The following NCAPG2 variants were observed in gnomAD, a reference collection of about 807,000 sequenced individuals.
The protein encoded by NCAPG2 is non-SMC condensin II complex subunit G2, also known as condensin-2 complex subunit G2.
In NCAPG2, 53 loss-of-function variants were observed where a neutral mutation model predicts 141.1. The ratio of observed to expected loss-of-function variants is 0.38; its 90% CI spans 0.30 to 0.47. NCAPG2 has a LOEUF of 0.47. Ranked by LOEUF, NCAPG2 falls within the 20% of genes least tolerant of loss-of-function variation. The pLI is 0.99. For synonymous variants in NCAPG2, 499 were observed against 490.7 expected (o/e 1.02, Z -0.22); for missense variants, 1,087 against 1,389.0 (o/e 0.78, Z 3.46).
intron 12 of NCAPG2, 27 bp downstream of exon 12, chr7:158,675,448 CAT>C (rs1833992634): frequency 3.3e-6 from 5 of 1,519,786 alleles, no homozygotes; most frequent in Non-Finnish European, 4.4e-6. Context: ...AACAAATAAA[CAT>C]TACTTACATA....
chr7:158,655,278 T>G lies in NCAPG2; in HGVS notation c.2506-20A>C, dbSNP rs202083054. ...GCAGAACTGTCCAAAAACAAGAAGA[T>G]AAATCAGTAACAAAAAGAGCACTGT... On this transcript the variant is annotated intron_variant, in intron 20 of 27. Coordinates refer to ENST00000356309, the MANE Select transcript of NCAPG2 (RefSeq NM_017760.7). The G allele has an allele frequency of 1.9e-6, 3 of 1,613,704 alleles. No homozygotes were observed. The East Asian group carries it at 6.7e-5, about 36-fold the overall frequency.
intron 2 of NCAPG2, among the ~76,000 whole-genome samples, chr7:158,700,476 GCAA>G (rs1835712237): frequency 6.6e-6 from 1 of 152,126 alleles, no homozygotes; most frequent in Admixed American, 6.5e-5. Flanking sequence ...TATGCACTTT[GCAA>G]CAACAATCTT....
At position 158,690,647 on chromosome 7, in the gene NCAPG2, T is replaced by C; in HGVS notation, c.458A>G (p.Glu153Gly). The C allele has an allele frequency of 6.2e-7, 1 of 1,614,172 alleles. No homozygotes were observed. The highest frequency in any genetic ancestry group is 8.5e-7 in the Non-Finnish European group (1 of 1,180,006). The change falls in exon 5 of 28, where the codon GAG becomes GGG. Residue 153 changes from glutamate to glycine, a missense_variant. Transcript: ENST00000356309. Reference protein sequence around the residue: ...SIQDLCVTWWEKGLPAKEDTG... With the variant: ...SIQDLCVTWWGKGLPAKEDTG... The stretch of plus-strand genomic sequence containing the variant: ...GTCTTCCTTGGCAGGCAGGCCTTTC[T>C]CCCACCAGGTAACACACAAATCCTG...
At chr7:158,678,905 C>A (rs1039197986) in intron 11 of NCAPG2, among the ~76,000 whole-genome samples, 5 of 152,058 alleles carry the variant, frequency 3.3e-5, no homozygotes, top group Admixed American at 1.3e-4. Context: ...GGCTGGGGTG[C>A]AGTTGTGTGA....
chr7:158,659,565 A>G (rs1161040723), intron 16 of NCAPG2, among the ~76,000 whole-genome samples: 1 of 152,086 alleles, frequency 6.6e-6, no homozygotes, highest in African/African-American at 2.4e-5. Context: ...TGCTTAGTAA[A>G]TTGCAGCTAA....
intron 17 of NCAPG2, among the ~76,000 whole-genome samples, chr7:158,657,806 T>C (rs1366218600): frequency 6.6e-6 from 1 of 152,190 alleles, no homozygotes; most frequent in Non-Finnish European, 1.5e-5. Flanking sequence ...TGTCCTGTAC[T>C]AAGAAAAATT....
intron 12 of NCAPG2, among the ~76,000 whole-genome samples, chr7:158,674,954 G>A (rs968126502): frequency 5.9e-5 from 9 of 152,144 alleles, no homozygotes; most frequent in African/African-American, 1.4e-4. Flanking sequence ...ACACCTGGCC[G>A]TTTCACATTT....
At chr7:158,692,393 C>T (rs999172350) in intron 4 of NCAPG2, among the ~76,000 whole-genome samples, 2 of 152,216 alleles carry the variant, frequency 1.3e-5, no homozygotes, top group African/African-American at 4.8e-5. Context: ...AGAAAAAGAA[C>T]TTGACTGCAA....
intron 19 of NCAPG2, 97 bp from the exon 20 acceptor site, chr7:158,655,552 A>T: frequency 7.8e-6 from 8 of 1,028,832 alleles, no homozygotes; most frequent in Non-Finnish European, 1.2e-5. Context: ...TCCTCAGGCG[A>T]GCTGAAAAGA....
rs779692746 is a variant in NCAPG2, at chr7:158,683,308, C to T, written c.916G>A (p.Val306Met). The T allele has an allele frequency of 6.3e-7, 1 of 1,590,518 alleles. No homozygotes were observed. The highest frequency in any genetic ancestry group is 1.4e-5 in the African/African-American group (1 of 73,176). The change falls in exon 9 of 28, where the codon GTG (valine) becomes ATG (methionine). Residue 306 changes from valine to methionine, a missense_variant. Val to Met is a conservative substitution (Grantham distance 21, BLOSUM62 1). Coordinates refer to ENST00000356309, the MANE Select transcript of NCAPG2 (RefSeq NM_017760.7). ...LPRRSPVHSKVREVLSYFHHQ... is the reference protein window; with the variant it reads ...LPRRSPVHSKMREVLSYFHHQ... Reference sequence around the variant, plus strand: ...TCTGTTCACAATCTTACCTCCCGCACTTTGGAATGCACTGGAGACCTCCTC... The same window carrying T: ...TCTGTTCACAATCTTACCTCCCGCATTTTGGAATGCACTGGAGACCTCCTC...
chr7:158,653,221 C>A (rs965823710), intron 22 of NCAPG2, among the ~76,000 whole-genome samples: 6 of 151,724 alleles, frequency 4.0e-5, no homozygotes, highest in South Asian at 4.2e-4. Flanking sequence ...ATTAGCCAGG[C>A]ATGGTGGTGG....
At chr7:158,647,686 A>G (rs1326971385) in intron 24 of NCAPG2, among the ~76,000 whole-genome samples, 2 of 151,848 alleles carry the variant, frequency 1.3e-5, no homozygotes, top group East Asian at 3.9e-4. Context: ...AGGCATGACT[A>G]AACAACACTG....
chr7:158,693,264 A>G, intron 3 of NCAPG2, 45 bp downstream of exon 3: 1 of 1,565,664 alleles, frequency 6.4e-7, no homozygotes, highest in South Asian at 1.2e-5. Context: ...TTTTTTGACA[A>G]AAAAAAGAGA....
Position 158,701,800 on chromosome 7 carries a change from A to C in NCAPG2, c.78+22T>G, listed in dbSNP as rs751806153. On this transcript the variant is annotated intron_variant, in intron 2 of 27. Transcript: ENST00000356309. ...CATATTCACAGTCAAAAATCACAACAAAACTAAAACATGAAACTTACATCA... is the reference window on the plus strand; with the variant it reads ...CATATTCACAGTCAAAAATCACAACCAAACTAAAACATGAAACTTACATCA... The C allele has an allele frequency of 1.9e-6, 3 of 1,600,252 alleles. No individual in the cohort carries two copies. The East Asian group carries it at 6.7e-5, about 36-fold the overall frequency.
intron 15 of NCAPG2, 135 bp from the exon 16 acceptor site, chr7:158,662,502 C>T (rs1172811878): frequency 8.3e-6 from 6 of 723,896 alleles, no homozygotes; most frequent in Non-Finnish European, 1.0e-5. Context: ...CTACTCTCCA[C>T]TTTAGAATCT....
At chr7:158,699,268 G>A (rs998457590) in intron 2 of NCAPG2, among the ~76,000 whole-genome samples, 3 of 152,114 alleles carry the variant, frequency 2.0e-5, no homozygotes, top group Non-Finnish European at 2.9e-5. Flanking sequence ...TCAGTGCTGT[G>A]TCCTCCTCCC....
At chr7:158,690,381 A>G (rs570935914) in intron 5 of NCAPG2, among the ~76,000 whole-genome samples, 187 bp downstream of exon 5, 1 of 152,326 alleles carries the variant, frequency 6.6e-6, no homozygotes, top group South Asian at 2.1e-4. Context: ...AATGTTAGGA[A>G]GACGTTTAAA....
chr7:158,702,315 G>C (rs1349624562), intron 1 of NCAPG2: 1 of 157,536 alleles, frequency 6.3e-6, no homozygotes, highest in Non-Finnish European at 1.4e-5. Flanking sequence ...CCCAGCTGCA[G>C]ATTCTGAAGA....
chr7:158,633,373 C>T lies in NCAPG2; in HGVS notation c.3381-1656G>A, dbSNP rs1830005016. Among the ~76,000 whole-genome samples the T allele has an allele frequency of 6.6e-6, 1 of 152,240 alleles. No homozygotes were observed. The highest frequency in any genetic ancestry group is 1.5e-5 in the Non-Finnish European group (1 of 68,042). ...TGTCCTTTCGGGGTTACAGTTGACT[C>T]TTCTTCAAAGACTCTTATTACTCAC... On this transcript the variant is annotated intron_variant, in intron 27 of 27. Coordinates refer to ENST00000356309, the MANE Select transcript of NCAPG2 (RefSeq NM_017760.7). The surrounding 1 kb of genome is among the most constrained non-coding windows in gnomAD (Gnocchi z 4.1).
Sources: allele counts gnomAD v4.1 joint callset (sites outside exome capture counted in the v4.1 genomes callset), GRCh38; gene constraint gnomAD v4.1.1; non-coding constraint Gnocchi (gnomAD v3.1); transcripts MANE v1.5; gene names NCBI Gene and HGNC (gene_info 2026-07-23, HGNC 2026-07-21).